The following MALRD1 variants were observed in gnomAD, a reference collection of about 807,000 sequenced individuals.
MALRD1 encodes MAM and LDL-receptor class A domain-containing protein 1.
A neutral mutation model predicts 242.1 loss-of-function variants in MALRD1; 247 were observed. The ratio of observed to expected loss-of-function variants is 1.02; its 90% CI spans 0.92 to 1.13. The LOEUF is 1.13. Ranked by LOEUF, MALRD1 falls within the 50% of genes most tolerant of loss-of-function variation. The probability of loss-of-function intolerance (pLI) is 0.00; values close to 1 mark genes in which losing one functional copy is unlikely to be tolerated. For synonymous variants in MALRD1, 995 were observed against 866.6 expected (o/e 1.15, Z -2.60); for missense variants, 2,989 against 2,533.1 (o/e 1.18, Z -3.86).
chr10:19,478,683 G>T (rs1314902814), intron 29 of MALRD1, among the ~76,000 whole-genome samples: 2 of 151,954 alleles, frequency 1.3e-5, no homozygotes, highest in East Asian at 3.9e-4. Context: ...CCCAATTCTG[G>T]TTTGTTTACC....
chr10:19,312,632 G>A (rs1842480773), intron 21 of MALRD1, among the ~76,000 whole-genome samples: 1 of 151,154 alleles, frequency 6.6e-6, no homozygotes, highest in African/African-American at 2.4e-5. Flanking sequence ...GTGTAAGAAT[G>A]AGACTGGAAA....
At chr10:19,167,142 G>A (rs1364191035) in intron 13 of MALRD1, among the ~76,000 whole-genome samples, 4 of 151,994 alleles carry the variant, frequency 2.6e-5, no homozygotes, top group African/African-American at 9.7e-5. Flanking sequence ...GGTGGATCAC[G>A]AGATCAGGAG....
intron 29 of MALRD1, among the ~76,000 whole-genome samples, chr10:19,458,777 T>G (rs1836986307): frequency 6.6e-6 from 1 of 152,108 alleles, no homozygotes; most frequent in Non-Finnish European, 1.5e-5. Context: ...AGGTCTCCCT[T>G]GCATGTTAAA....
At chr10:19,695,156 G>A (rs922417258) in intron 38 of MALRD1, among the ~76,000 whole-genome samples, 1 of 151,954 alleles carries the variant, frequency 6.6e-6, no homozygotes, top group South Asian at 2.1e-4. Flanking sequence ...CACCAACATG[G>A]TGCATGTATA....
At chr10:19,278,844 A>T (rs993060018) in intron 19 of MALRD1, among the ~76,000 whole-genome samples, 21 of 152,194 alleles carry the variant, frequency 1.4e-4, no homozygotes, top group African/African-American at 4.8e-4. Context: ...AGCAAATGAT[A>T]TAATAAGCAA....
chr10:19,733,543 A>G (rs1035860121), intron 39 of MALRD1, among the ~76,000 whole-genome samples: 4 of 151,974 alleles, frequency 2.6e-5, no homozygotes, highest in Admixed American at 1.3e-4. Context: ...TTGTTGCTAT[A>G]TTTTAAAAAT....
At chr10:19,554,282 C>G (rs1457211076) in intron 32 of MALRD1, among the ~76,000 whole-genome samples, 1 of 152,138 alleles carries the variant, frequency 6.6e-6, no homozygotes, top group Non-Finnish European at 1.5e-5. Flanking sequence ...AGTTTCCAAT[C>G]ATTGTAGAAG....
At chr10:19,452,631 A>G (rs1456870718) in intron 29 of MALRD1, among the ~76,000 whole-genome samples, 1 of 152,248 alleles carries the variant, frequency 6.6e-6, no homozygotes, top group African/African-American at 2.4e-5. Flanking sequence ...AGTTTGAAAG[A>G]CTATGAATGG....
At chr10:19,052,542 G>T (rs1026294467) in intron 1 of MALRD1, among the ~76,000 whole-genome samples, 2 of 152,140 alleles carry the variant, frequency 1.3e-5, no homozygotes, top group African/African-American at 4.8e-5. Context: ...CCTTGCTGCT[G>T]ATTACACGGC....
chr10:19,065,762 G>A (rs1834960384), intron 1 of MALRD1, among the ~76,000 whole-genome samples: 1 of 152,142 alleles, frequency 6.6e-6, no homozygotes, highest in Admixed American at 6.5e-5. Context: ...ATCACCCAGA[G>A]AAAGAGTCAG....
chr10:19,284,327 T>TG (rs1840987627), intron 21 of MALRD1, among the ~76,000 whole-genome samples: 1 of 151,546 alleles, frequency 6.6e-6, no homozygotes, highest in Admixed American at 6.6e-5. Flanking sequence ...TGTATACATG[T>TG]GCCACGCTGG....
At chr10:19,119,782 G>C (rs993043903) in intron 5 of MALRD1, among the ~76,000 whole-genome samples, 1 of 152,162 alleles carries the variant, frequency 6.6e-6, no homozygotes, top group South Asian at 2.1e-4. Context: ...AAAGAGGTCT[G>C]CTTTGGGAAA....
rs1346340132 is a variant in MALRD1 at position 19,108,438 on chromosome 10, C to T, written c.694+4363C>T. The stretch of plus-strand genomic sequence containing the variant: ...TTTTTTTTTTTTTAAGACGGAGTCT[C>T]GCTCTGTCGCCCAGGCCGGACTGCG... On this transcript the variant is annotated intron_variant, in intron 5 of 39. Transcript: ENST00000454679. Among the ~76,000 whole-genome samples the T allele has an allele frequency of 8.9e-4, 10 of 11,244 alleles. 2 individuals are homozygous for T. Among genetic ancestry groups the T allele is most frequent in the Non-Finnish European group, 1.2e-3 (10 of 8,408 alleles). 7.4% of individuals were successfully genotyped at this position (11,244 alleles called of 152,430 possible).
At chr10:19,209,845 T>A (rs192357066) in intron 18 of MALRD1, among the ~76,000 whole-genome samples, 165 bp downstream of exon 18, 5 of 152,314 alleles carry the variant, frequency 3.3e-5, no homozygotes, top group Non-Finnish European at 7.3e-5. Context: ...CTTTACATTG[T>A]TTCCTCCTTG....
At chr10:19,072,445 G>T (rs1186818917) in intron 2 of MALRD1, among the ~76,000 whole-genome samples, 1 of 151,602 alleles carries the variant, frequency 6.6e-6, no homozygotes. Flanking sequence ...TTATTTTTTT[G>T]AATTTTTTAA....
intron 28 of MALRD1, among the ~76,000 whole-genome samples, chr10:19,404,258 TTTA>T (rs1319611330): frequency 6.6e-6 from 1 of 152,066 alleles, no homozygotes; most frequent in Non-Finnish European, 1.5e-5. Flanking sequence ...TTATGCTTTT[TTTA>T]TTATTACTTT....
intron 21 of MALRD1, among the ~76,000 whole-genome samples, chr10:19,284,113 G>A (rs1033155164): frequency 6.6e-6 from 1 of 152,186 alleles, no homozygotes; most frequent in Non-Finnish European, 1.5e-5. Context: ...GGGATAAGAA[G>A]AGCAGACTAC....
intron 36 of MALRD1, among the ~76,000 whole-genome samples, chr10:19,674,276 A>G (rs1227191374): frequency 6.6e-6 from 1 of 152,220 alleles, no homozygotes; most frequent in South Asian, 2.1e-4. Flanking sequence ...TATGATGCCT[A>G]CAACCTAGTG....
At chr10:19,052,195 C>A in intron 1 of MALRD1, 2 of 339,472 alleles carry the variant, frequency 5.9e-6, no homozygotes, top group South Asian at 2.5e-5. Flanking sequence ...AGCAATTAAT[C>A]AAAAAGAAAA....
Sources: allele counts gnomAD v4.1 joint callset (sites outside exome capture counted in the v4.1 genomes callset), GRCh38; gene constraint gnomAD v4.1.1; transcripts MANE v1.5; gene names NCBI Gene and HGNC (gene_info 2026-07-23, HGNC 2026-07-21).